Variants in CDH13 observed in about 807,000 individuals in gnomAD.
CDH13 encodes the protein cadherin 13, also known as cadherin-13.
A neutral mutation model predicts 63.8 loss-of-function variants in CDH13; 24 were observed. That is an observed-to-expected ratio of 0.38 (90% CI 0.27 to 0.53). The LOEUF (loss-of-function observed/expected upper bound fraction) is 0.53, where lower values mean the gene tolerates loss of function less well. CDH13 is among the 20% of genes least tolerant of loss of function. CDH13 has a pLI of 0.85. For missense variants in CDH13, 1,049 were observed against 903.1 expected, an observed-to-expected ratio of 1.16 and a Z score of -2.07; for synonymous variants, 503 against 355.3, an observed-to-expected ratio of 1.42 and a Z score of -4.67.
intron 6 of CDH13, among the ~76,000 whole-genome samples, chr16:83,472,905 G>A (rs1456367542): frequency 6.6e-6 from 1 of 152,128 alleles, no homozygotes; most frequent in Non-Finnish European, 1.5e-5. Context: ...TCCCTTGAGT[G>A]GTGGCCTGAT....
chr16:83,417,078 A>G (rs1210277786), intron 6 of CDH13, among the ~76,000 whole-genome samples: 2 of 152,198 alleles, frequency 1.3e-5, no homozygotes, highest in East Asian at 1.9e-4. Context: ...GAATGATCCT[A>G]TGAGATAGCC....
chr16:83,699,331 G>T (rs1905864633), intron 10 of CDH13, among the ~76,000 whole-genome samples: 1 of 152,236 alleles, frequency 6.6e-6, no homozygotes, highest in Non-Finnish European at 1.5e-5. Flanking sequence ...GCCACTGAGT[G>T]TGGGAGCAGC....
At chr16:83,379,938 T>TATATATATATATATATATAGAGAGAG in intron 6 of CDH13, among the ~76,000 whole-genome samples, 45 of 123,440 alleles carry the variant, frequency 3.6e-4, no homozygotes, top group African/African-American at 7.2e-4. Context: ...TATATATATA[T>TATATATATATATATATATAGAGAGAG]AGAGAGAGAG....
intron 1 of CDH13, among the ~76,000 whole-genome samples, chr16:82,650,935 T>G (rs539641415): frequency 6.6e-6 from 1 of 152,254 alleles, no homozygotes; most frequent in Non-Finnish European, 1.5e-5. Flanking sequence ...GAAGTTGGGG[T>G]TTGAAATTTG....
At chr16:83,764,650 C>T (rs1032214903) in intron 11 of CDH13, among the ~76,000 whole-genome samples, 10 of 151,244 alleles carry the variant, frequency 6.6e-5, no homozygotes, top group Non-Finnish European at 8.8e-5. Context: ...CAGCCCTTTA[C>T]TCTTGCATCC....
intron 10 of CDH13, among the ~76,000 whole-genome samples, chr16:83,683,444 A>T (rs1268861841): frequency 6.6e-6 from 1 of 152,194 alleles, no homozygotes; most frequent in African/African-American, 2.4e-5. Context: ...GTATGTGAGT[A>T]TTCTGTTTTT....
chr16:83,785,090 A>C (rs990243203), intron 13 of CDH13, among the ~76,000 whole-genome samples: 1 of 152,198 alleles, frequency 6.6e-6, no homozygotes, highest in Non-Finnish European at 1.5e-5. Flanking sequence ...GTCAAAGCAC[A>C]GATAATTCGG....
At chr16:83,426,899 GTTTC>G (rs1209108015) in intron 6 of CDH13, among the ~76,000 whole-genome samples, 5 of 80,806 alleles carry the variant, frequency 6.2e-5, no homozygotes, top group African/African-American at 1.8e-4. Flanking sequence ...CTATAAATAT[GTTTC>G]TTTCTTTTTT....
intron 10 of CDH13, among the ~76,000 whole-genome samples, chr16:83,699,399 T>G (rs565359130): frequency 2.6e-5 from 4 of 152,352 alleles, no homozygotes; most frequent in African/African-American, 9.6e-5. Context: ...ATGTGATAAG[T>G]TGATAAGTCC....
At chr16:83,580,721 T>C (rs1346967334) in intron 7 of CDH13, among the ~76,000 whole-genome samples, 1 of 152,092 alleles carries the variant, frequency 6.6e-6, no homozygotes, top group Admixed American at 6.5e-5. Context: ...GGTCTTGAAC[T>C]CCTGAGCTCA....
At chr16:83,513,871 G>C (rs1352148669) in intron 7 of CDH13, among the ~76,000 whole-genome samples, 1 of 152,106 alleles carries the variant, frequency 6.6e-6, no homozygotes. Context: ...AGCCTCTCTA[G>C]TCCCCAAGTA....
At position 83,249,502 on chromosome 16, in the gene CDH13, C is replaced by T. The variant is rs549530456; in HGVS notation, c.636+32005C>T. ...CTCTGCTTGAGGCACTCTGATAAAA[C>T]TTCACTGATTTATCTCATTTAATCC... On this transcript the variant is annotated intron_variant, in intron 5 of 13. Transcript: ENST00000567109. Among the ~76,000 whole-genome samples, 14 of 152,300 alleles carry T rather than the reference C, an allele frequency of 9.2e-5. No individual in the cohort carries two copies. The East Asian group carries it at 2.7e-3, about 29-fold the overall frequency.
chr16:83,392,834 A>C (rs1260621985), intron 6 of CDH13, among the ~76,000 whole-genome samples: 5 of 148,194 alleles, frequency 3.4e-5, no homozygotes, highest in Non-Finnish European at 1.5e-5. Flanking sequence ...ATCTCGGTGG[A>C]GGATGGAGGT....
intron 1 of CDH13, among the ~76,000 whole-genome samples, chr16:82,695,663 G>T (rs1439879810): frequency 6.6e-6 from 1 of 152,164 alleles, no homozygotes; most frequent in Non-Finnish European, 1.5e-5. Context: ...GCTGACCTCA[G>T]TCAAAGCCCC....
chr16:83,434,879 G>A lies in CDH13; in HGVS notation c.782-51598G>A, dbSNP rs1003721883. On this transcript the variant is annotated intron_variant, in intron 6 of 13. Coordinates refer to ENST00000567109, the MANE Select transcript of CDH13 (RefSeq NM_001257.5). ...TGCGTGTGTGTGTGTGTGTGTGTGT[G>A]TGTATGTGTATTTAAAATAAACCCC... 8.7e-5 allele frequency among the ~76,000 whole-genome samples: 8 copies of A among 91,708 alleles called. No individual in the cohort carries two copies. In the East Asian group the frequency reaches 1.9e-3, roughly 21 times the overall value. The allele number at this position is 91,708 out of a possible 152,430, so 60.2% of individuals were successfully genotyped here.
intron 8 of CDH13, among the ~76,000 whole-genome samples, chr16:83,663,447 G>C (rs1913633087): frequency 6.6e-6 from 1 of 152,180 alleles, no homozygotes; most frequent in Non-Finnish European, 1.5e-5. Context: ...TTTCTTAGGA[G>C]AAATAGAGAA....
chr16:83,211,314 A>G (rs2039331496), intron 4 of CDH13, among the ~76,000 whole-genome samples: 1 of 152,096 alleles, frequency 6.6e-6, no homozygotes, highest in Non-Finnish European at 1.5e-5. Flanking sequence ...GTACATGGGA[A>G]CTCTGTAGTA....
intron 2 of CDH13, among the ~76,000 whole-genome samples, chr16:82,913,182 G>T (rs780895932): frequency 6.6e-6 from 1 of 152,074 alleles, no homozygotes; most frequent in Non-Finnish European, 1.5e-5. Flanking sequence ...CTTTAAAATG[G>T]TCTAAAAAGT....
chr16:83,665,037 T>C (rs1776110265), intron 8 of CDH13, among the ~76,000 whole-genome samples: 1 of 152,170 alleles, frequency 6.6e-6, no homozygotes, highest in African/African-American at 2.4e-5. Flanking sequence ...ATCCTAATCA[T>C]AGAAGAAAAC....
Sources: gnomAD v4.1 joint callset for allele counts (sites outside exome capture counted in the v4.1 genomes callset) on GRCh38, gnomAD v4.1.1 for gene constraint, MANE v1.5 for transcripts, NCBI Gene and HGNC (gene_info 2026-07-23, HGNC 2026-07-21) for gene names.